ZNF782: variants seen among roughly 807,000 people sequenced by gnomAD.
ZNF782 encodes zinc finger protein 782.
Under a neutral mutation model 13.0 loss-of-function variants are expected in ZNF782, and 12 were observed. The ratio of observed to expected loss-of-function variants is 0.92; its 90% CI spans 0.59 to 1.50. ZNF782 has a LOEUF of 1.50. Ranked by LOEUF, ZNF782 falls within the 40% of genes most tolerant of loss-of-function variation. The pLI, the probability that ZNF782 is intolerant of heterozygous loss-of-function variation, is 0.00. For synonymous variants in ZNF782, 284 were observed against 283.0 expected, an observed-to-expected ratio of 1.00 and a Z score of -0.04; for missense variants, 770 against 822.9, an observed-to-expected ratio of 0.94 and a Z score of 0.79.
chr9:96,931,841 G>A, the ZNF782 span: 2 of 1,612,394 alleles, frequency 1.2e-6, no homozygotes, highest in Non-Finnish European at 1.7e-6. Flanking sequence ...CCTCGTGACT[G>A]CAGTGGTTCC....
chr9:96,917,800 T>C, the ZNF782 span, among the ~76,000 whole-genome samples: 1 of 151,620 alleles, frequency 6.6e-6, no homozygotes, highest in Non-Finnish European at 1.5e-5. Context: ...CATGACTCAC[T>C]ACAGTCTCCA....
At chr9:96,917,887 C>CGTGTGTGTGTCTGTGTCTGTGTGTGTGT in the ZNF782 span, among the ~76,000 whole-genome samples, 1 of 121,682 alleles carries the variant, frequency 8.2e-6, no homozygotes, top group Non-Finnish European at 1.7e-5. Context: ...CCACCCTTGG[C>CGTGTGTGTGTCTGTGTCTGTGTGTGTGT]GTGTGTGTGT....
At chr9:96,909,712 T>C in the ZNF782 span, among the ~76,000 whole-genome samples, 3 of 151,932 alleles carry the variant, frequency 2.0e-5, no homozygotes, top group Non-Finnish European at 2.9e-5. Context: ...GTCACCTTTC[T>C]ATGGGAAAAT....
the ZNF782 span, chr9:96,896,170 C>A: frequency 2.0e-5 from 3 of 152,116 alleles, no homozygotes; most frequent in Admixed American, 6.5e-5. Context: ...TCCCCTGGTA[C>A]CTGGTATGCA....
the ZNF782 span, among the ~76,000 whole-genome samples, chr9:96,930,756 C>G: frequency 6.7e-6 from 1 of 150,374 alleles, no homozygotes; most frequent in Non-Finnish European, 1.5e-5. Flanking sequence ...AATCTGACCC[C>G]TATTTAACAC....
At chr9:96,902,962 C>T in the ZNF782 span, 2 of 151,064 alleles carry the variant, frequency 1.3e-5, no homozygotes, top group Non-Finnish European at 1.5e-5. Flanking sequence ...ACCATCACAC[C>T]GGGCTAATTT....
At chr9:96,876,961 AAAAAAAAAAAAAG>A (rs1404105705), upstream of ZNF782, among the ~76,000 whole-genome samples, 3 of 146,520 alleles carry the variant, frequency 2.0e-5, no homozygotes, top group African/African-American at 7.8e-5. Flanking sequence ...AAAAAAAAAA[AAAAAAAAAAAAAG>A]AAGAAGAAGA....
intron 4 of ZNF782, 124 bp from the exon 5 acceptor site, chr9:96,827,305 G>T: frequency 3.7e-6 from 2 of 536,106 alleles, no homozygotes; most frequent in South Asian, 3.4e-5. Flanking sequence ...CCTTGGGGAA[G>T]TAACCACAAA....
At chr9:96,878,730 T>C (rs916018226), upstream of ZNF782, among the ~76,000 whole-genome samples, 6 of 152,236 alleles carry the variant, frequency 3.9e-5, no homozygotes, top group Non-Finnish European at 7.3e-5. Flanking sequence ...CTATTATAAA[T>C]AATATGTGGC....
chr9:96,821,431 A>G (rs530209643), intron 5 of ZNF782, among the ~76,000 whole-genome samples: 1 of 152,288 alleles, frequency 6.6e-6, no homozygotes, highest in African/African-American at 2.4e-5. Context: ...ACACATACAA[A>G]AGGCTTCTTG....
chr9:96,859,179 A>G (rs1481829458), upstream of ZNF782, among the ~76,000 whole-genome samples: 2 of 152,190 alleles, frequency 1.3e-5, no homozygotes, highest in East Asian at 1.9e-4. Context: ...GGGGTCCTTA[A>G]TAAACCTGAA....
chr9:96,873,598 G>A (rs1189535604), intron 1 of ZNF782, among the ~76,000 whole-genome samples: 4 of 152,246 alleles, frequency 2.6e-5, no homozygotes, highest in African/African-American at 9.6e-5. Flanking sequence ...TCCTTGGGAG[G>A]CTGATTCATG....
the ZNF782 span, among the ~76,000 whole-genome samples, chr9:96,927,441 T>C: frequency 6.6e-6 from 1 of 151,818 alleles, no homozygotes; most frequent in Non-Finnish European, 1.5e-5. Flanking sequence ...AACAGTATAA[T>C]GGCTACTCCT....
chr9:96,832,482 C>A (rs1250814840), intron 4 of ZNF782, among the ~76,000 whole-genome samples: 1 of 152,192 alleles, frequency 6.6e-6, no homozygotes, highest in Non-Finnish European at 1.5e-5. Flanking sequence ...TTTATGATTT[C>A]TGTTCCAAGA....
At chr9:96,854,773 G>T (rs1488908386), upstream of ZNF782, among the ~76,000 whole-genome samples, 1 of 152,114 alleles carries the variant, frequency 6.6e-6, no homozygotes, top group Non-Finnish European at 1.5e-5. Flanking sequence ...ATTGGTTCCC[G>T]GTTGAACCAA....
At chr9:96,849,672 TA>T (rs1307941959) in intron 3 of ZNF782, among the ~76,000 whole-genome samples, 1 of 152,062 alleles carries the variant, frequency 6.6e-6, no homozygotes, top group Non-Finnish European at 1.5e-5. Context: ...TAACTGGACC[TA>T]ACTAAATTAA....
intron 1 of ZNF782, among the ~76,000 whole-genome samples, chr9:96,873,250 A>G (rs1851848931): frequency 6.6e-6 from 1 of 152,216 alleles, no homozygotes; most frequent in Non-Finnish European, 1.5e-5. Flanking sequence ...CAGTGATCTG[A>G]TTTAGAAGAA....
At chr9:96,912,864 T>G in the ZNF782 span, among the ~76,000 whole-genome samples, 15,694 of 144,804 alleles carry the variant, frequency 0.11, 416 homozygotes, top group East Asian at 0.48. Context: ...GTTGCTGGGG[T>G]TTTTTTTGGC....
chr9:96,862,166 CAT>C (rs1168189893), intron 1 of ZNF782, among the ~76,000 whole-genome samples: 6 of 152,204 alleles, frequency 3.9e-5, no homozygotes, highest in Admixed American at 1.3e-4. Flanking sequence ...ACAAACTTCA[CAT>C]GTTTTCACTT....
Sources: gnomAD v4.1 joint callset for allele counts (sites outside exome capture counted in the v4.1 genomes callset) on GRCh38, gnomAD v4.1.1 for gene constraint, MANE v1.5 for transcripts, NCBI Gene and HGNC (gene_info 2026-07-23, HGNC 2026-07-21) for gene names.